The following HMBOX1 variants were observed in gnomAD, a reference collection of about 807,000 sequenced individuals.
The protein encoded by HMBOX1 is homeobox-containing protein 1.
A neutral mutation model predicts 54.5 loss-of-function variants in HMBOX1; 14 were observed. The observed-to-expected ratio is 0.26, with a 90% CI of 0.17 to 0.40. The LOEUF (loss-of-function observed/expected upper bound fraction) is 0.40. Ranked by LOEUF, HMBOX1 falls within the 10% of genes least tolerant of loss-of-function variation. The pLI, the probability that HMBOX1 is intolerant of heterozygous loss-of-function variation, is 1.00. For missense variants in HMBOX1, 332 were observed against 514.4 expected, an observed-to-expected ratio of 0.65 and a Z score of 3.43; for synonymous variants, 160 against 181.0, an observed-to-expected ratio of 0.88 and a Z score of 0.93.
intron 9 of HMBOX1, chr8:29,049,453 ACC>A: frequency 1.5e-5 from 22 of 1,494,158 alleles, no homozygotes; most frequent in Non-Finnish European, 2.0e-5. Context: ...GGGCAGCTGG[ACC>A]CCATGCCTAA....
chr8:29,013,416 G>A (rs943989502), intron 5 of HMBOX1, among the ~76,000 whole-genome samples: 3 of 152,220 alleles, frequency 2.0e-5, no homozygotes, highest in African/African-American at 7.2e-5. Flanking sequence ...TTATAGGCAT[G>A]AGCCACCGCA....
At chr8:29,021,753 G>A (rs568611979) in intron 6 of HMBOX1, among the ~76,000 whole-genome samples, 20 of 151,782 alleles carry the variant, frequency 1.3e-4, no homozygotes, top group African/African-American at 4.6e-4. Context: ...CCAGCTACTC[G>A]GGAGGCTGAG....
intron 6 of HMBOX1, among the ~76,000 whole-genome samples, chr8:29,025,991 A>T (rs2133100381): frequency 6.6e-6 from 1 of 151,828 alleles, no homozygotes; most frequent in East Asian, 1.9e-4. Context: ...GGAAATGAGG[A>T]AAATCAAGCA....
intron 5 of HMBOX1, among the ~76,000 whole-genome samples, chr8:29,017,425 C>A (rs1301204267): frequency 6.6e-6 from 1 of 152,138 alleles, no homozygotes; most frequent in East Asian, 1.9e-4. Context: ...TGTGAGGAGC[C>A]GTCTTTGAAA....
At chr8:29,009,721 G>A (rs1167476532) in intron 5 of HMBOX1, 1 of 1,287,380 alleles carries the variant, frequency 7.8e-7, no homozygotes, top group East Asian at 5.6e-5. Flanking sequence ...AGCAGCAGTA[G>A]ATTGGGAAAG....
intron 4 of HMBOX1, among the ~76,000 whole-genome samples, chr8:29,006,756 G>C (rs78902590): frequency 0.098 from 14,945 of 152,084 alleles, 971 homozygotes; most frequent in Middle Eastern, 0.16. Flanking sequence ...GCCAGAACCT[G>C]GACAGTTCTG....
At chr8:28,997,522 T>C (rs1241221490) in intron 4 of HMBOX1, among the ~76,000 whole-genome samples, 1 of 152,272 alleles carries the variant, frequency 6.6e-6, no homozygotes, top group East Asian at 1.9e-4. Context: ...TTGAGGAGTT[T>C]TACATCTGCA....
At chr8:28,960,457 T>C (rs1466037989) in intron 1 of HMBOX1, among the ~76,000 whole-genome samples, 1 of 151,840 alleles carries the variant, frequency 6.6e-6, no homozygotes, top group Non-Finnish European at 1.5e-5. Context: ...ATTATGGTAA[T>C]GGACATAGGG....
intron 3 of HMBOX1, 39 bp from the exon 4 acceptor site, chr8:28,980,032 T>G: frequency 1.4e-6 from 2 of 1,422,528 alleles, no homozygotes; most frequent in Non-Finnish European, 2.0e-6. Flanking sequence ...ATTTCTACCT[T>G]CAACATACAT....
chr8:28,970,027 A>G lies in HMBOX1; in HGVS notation c.24-16A>G. ...ACTGTCAATAAAGAGACTTCTTTTT[A>G]TCTCTTTTTTTTTAGTTTGCTGGAA... is the stretch of plus-strand genomic sequence containing the variant. On this transcript the variant is annotated splice_polypyrimidine_tract_variant and intron_variant, in intron 2 of 9. Transcript: ENST00000287701. This position sits in a 1 kb window ranked among gnomAD's most constrained non-coding sequence, Gnocchi z 4.3. 1 of 1,476,534 alleles carries G rather than the reference A, an allele frequency of 6.8e-7. No homozygotes were observed. The highest frequency in any genetic ancestry group is 1.2e-5 in the South Asian group (1 of 85,408). The allele number at this position is 1,476,534 out of a possible 1,614,324, so 91.5% of individuals were successfully genotyped here.
chr8:28,895,652 G>C (rs1811957869), intron 1 of HMBOX1, among the ~76,000 whole-genome samples: 1 of 150,650 alleles, frequency 6.6e-6, no homozygotes, highest in African/African-American at 2.5e-5. Flanking sequence ...TCCAGCCTGG[G>C]CAACAGAGTG....
chr8:28,943,737 G>A (rs750579059), intron 1 of HMBOX1, among the ~76,000 whole-genome samples: 1 of 152,176 alleles, frequency 6.6e-6, no homozygotes, highest in South Asian at 2.1e-4. Flanking sequence ...AATGATAAAT[G>A]AGAGTTGATA....
intron 1 of HMBOX1, among the ~76,000 whole-genome samples, chr8:28,900,663 G>A (rs772077623): frequency 6.6e-6 from 1 of 151,956 alleles, no homozygotes; most frequent in Non-Finnish European, 1.5e-5. Flanking sequence ...TATGGTTATG[G>A]CATCAGCTCA....
chr8:28,911,163 C>T (rs1027503820), intron 1 of HMBOX1, among the ~76,000 whole-genome samples: 49 of 152,276 alleles, frequency 3.2e-4, no homozygotes, highest in Middle Eastern at 3.4e-3. Flanking sequence ...GCCTATTTAA[C>T]CTAGAAGTAA....
rs186104839 is a variant in HMBOX1 at position 28,901,937 on chromosome 8, T to C, written c.-58+11259T>C. ...TTAAAACCTTATACTTAAAACCCAG[T>C]TAAATCCTTCTGTCTGAAGAGACAT... On this transcript the variant is annotated intron_variant, in intron 1 of 9. Transcript: ENST00000287701. Among the ~76,000 whole-genome samples, 19 of 152,342 alleles carry C rather than the reference T, an allele frequency of 1.2e-4. No homozygotes were observed. In the East Asian group the frequency reaches 3.7e-3, roughly 29 times the overall value.
At chr8:28,921,164 G>A (rs958912982) in intron 1 of HMBOX1, among the ~76,000 whole-genome samples, 4 of 152,028 alleles carry the variant, frequency 2.6e-5, no homozygotes, top group African/African-American at 7.2e-5. Flanking sequence ...GTAAAACCCC[G>A]TCTATACTAA....
chr8:29,050,682 T>C (rs1453958426), intron 9 of HMBOX1: 3 of 260,714 alleles, frequency 1.2e-5, no homozygotes, highest in Non-Finnish European at 2.2e-5. Context: ...CTATATTTGT[T>C]ACAAACAGAA....
Position 29,053,116 on chromosome 8 carries a change from T to C in HMBOX1, c.*1961T>C, listed in dbSNP as rs1806590493. ...TTTCCTTATCTGTTAATCCTGCTTA[T>C]GTGAGTGTGAGGAAAGTCTTTGAGA... On this transcript the variant is annotated 3_prime_UTR_variant, in exon 10 of 10. Transcript: ENST00000287701. 2 of 152,542 alleles carry C rather than the reference T, an allele frequency of 1.3e-5. No individual in the cohort carries two copies. 9.4% of individuals were successfully genotyped at this position (152,542 alleles called of 1,614,324 possible).
At chr8:28,987,415 A>G (rs1040097126) in intron 4 of HMBOX1, among the ~76,000 whole-genome samples, 13 of 152,152 alleles carry the variant, frequency 8.5e-5, no homozygotes, top group Non-Finnish European at 1.8e-4. Flanking sequence ...AGGAAGTGAT[A>G]CCCCAGTAAG....
Sources: allele counts gnomAD v4.1 joint callset (sites outside exome capture counted in the v4.1 genomes callset), GRCh38; gene constraint gnomAD v4.1.1; non-coding constraint Gnocchi (gnomAD v3.1); transcripts MANE v1.5; gene names NCBI Gene and HGNC (gene_info 2026-07-23, HGNC 2026-07-21).